REPS1: variants seen among roughly 807,000 people sequenced by gnomAD.
REPS1 encodes ralBP1-associated Eps domain-containing protein 1.
REPS1 carries 39 observed loss-of-function variants against 100.9 expected under a neutral mutation model. The observed-to-expected ratio is 0.39, with a 90% CI of 0.30 to 0.50. The LOEUF is 0.50. Ranked by LOEUF, REPS1 falls within the 20% of genes least tolerant of loss-of-function variation. The probability of loss-of-function intolerance (pLI) is 0.86; values close to 1 mark genes in which losing one functional copy is unlikely to be tolerated. For missense variants in REPS1, 821 were observed against 968.5 expected (o/e 0.85, Z 2.02); for synonymous variants, 324 against 340.3 (o/e 0.95, Z 0.53).
rs1780113328 is a variant in REPS1, at chr6:138,912,999, G to A, written c.1786-49C>T. 4 of 1,459,508 alleles carry A rather than the reference G, an allele frequency of 2.7e-6. No homozygotes were observed. In the East Asian group the frequency reaches 9.2e-5, roughly 34 times the overall value. The allele number at this position is 1,459,508 out of a possible 1,614,324, so 90.4% of individuals were successfully genotyped here. ...GAACACACATTCTATCAGCCTATCA[G>A]TGTCACAGAGTCATCTTCTTCTTCT... On this transcript the variant is annotated intron_variant, in intron 15 of 19. Transcript: ENST00000450536.
intron 1 of REPS1, among the ~76,000 whole-genome samples, chr6:138,952,052 G>A (rs1261484025): frequency 6.6e-6 from 1 of 152,146 alleles, no homozygotes; most frequent in African/African-American, 2.4e-5. Flanking sequence ...GGGCCAGTTA[G>A]TGATTGTTGC....
At chr6:138,981,671 C>A (rs1189413102) in intron 1 of REPS1, among the ~76,000 whole-genome samples, 3 of 152,184 alleles carry the variant, frequency 2.0e-5, no homozygotes, top group Non-Finnish European at 4.4e-5. Context: ...AGATTAGCCG[C>A]TCCTACACAA....
At chr6:138,980,697 GGA>G (rs1491582112) in intron 1 of REPS1, among the ~76,000 whole-genome samples, 13 of 131,512 alleles carry the variant, frequency 9.9e-5, no homozygotes, top group East Asian at 4.8e-4. Flanking sequence ...GGGGGGGGGG[GGA>G]ACGGAGACTT....
intron 13 of REPS1, chr6:138,916,218 CTTTTTT>C (rs10582137): frequency 8.6e-4 from 178 of 207,162 alleles, no homozygotes; most frequent in East Asian, 4.2e-3. Context: ...TTCTTTTTTT[CTTTTTT>C]TTTTTTTTTT....
At chr6:138,914,225 A>C (rs901763846) in intron 15 of REPS1, among the ~76,000 whole-genome samples, 1 of 150,964 alleles carries the variant, frequency 6.6e-6, no homozygotes, top group African/African-American at 2.5e-5. Flanking sequence ...GCACACCACC[A>C]CACCCAGCTA....
At position 138,945,362 on chromosome 6, in the gene REPS1, G is replaced by T; in HGVS notation, c.485C>A (p.Ser162Tyr). The change falls in exon 4 of 20, where the codon TCC (serine) becomes TAC (tyrosine). Residue 162 changes from serine to tyrosine, a missense_variant. Transcript: ENST00000450536. Reference protein sequence around the residue: ...RTSADAQEPASPVVSPQQSPP... With the variant: ...RTSADAQEPAYPVVSPQQSPP... ...GGATTGCTGTGGTGAAACTACTGGG[G>T]ATGCAGGTTCCTAGAAAAGAATATT... 6.2e-7 allele frequency: 1 copy of T among 1,600,990 alleles called. No homozygotes were observed. Among genetic ancestry groups the T allele is most frequent in the South Asian group, 1.1e-5 (1 of 88,342 alleles).
rs188302675 is a variant in REPS1 at position 138,978,701 on chromosome 6, G to T, written c.153+8829C>A. Among the ~76,000 whole-genome samples, 342 of 152,136 alleles carry T rather than the reference G, an allele frequency of 2.2e-3. 2 individuals are homozygous for T. Among genetic ancestry groups the T allele is most frequent in the African/African-American group, 8.0e-3 (332 of 41,478 alleles). ...AGGCCTCTTTGAAGCTAATGTGAAT[G>T]TATTTTTTTCTTACTTTCATATTAA... On this transcript the variant is annotated intron_variant, in intron 1 of 19. Coordinates refer to ENST00000450536, the MANE Select transcript of REPS1 (RefSeq NM_001286611.2).
At chr6:138,959,238 A>G (rs898402514) in intron 1 of REPS1, among the ~76,000 whole-genome samples, 1 of 152,146 alleles carries the variant, frequency 6.6e-6, no homozygotes, top group African/African-American at 2.4e-5. Flanking sequence ...TATGCCCAGA[A>G]TGAGACTGCA....
rs759096877 is a variant in REPS1 at position 138,915,901 on chromosome 6, T to C, written c.1677A>G (p.Arg559=). 15 of 1,613,924 alleles carry C rather than the reference T, an allele frequency of 9.3e-6. No homozygotes were observed. The highest frequency in any genetic ancestry group is 1.2e-5 in the Non-Finnish European group (14 of 1,179,934). The part of the protein sequence containing the change: ...PPPRPQPSHS[R]SSSLDMNRTF... ...TCCGATTCATATCTAAAGATGATGA[T>C]CTAGAATGAGAGGGCTGTGGCCTTG... The change falls in exon 14 of 20, where the codon AGA becomes AGG. Residue 559 remains arginine (R), a synonymous_variant. Coordinates refer to ENST00000450536, the MANE Select transcript of REPS1 (RefSeq NM_001286611.2).
At chr6:138,945,876 C>T (rs1465542509) in intron 2 of REPS1, among the ~76,000 whole-genome samples, 179 bp from the exon 3 acceptor site, 1 of 152,166 alleles carries the variant, frequency 6.6e-6, no homozygotes, top group Non-Finnish European at 1.5e-5. Context: ...TTTAGGGAGA[C>T]TCTTATCTAG....
chr6:138,908,617 C>T (rs375950713), intron 18 of REPS1, 51 bp downstream of exon 18: 209 of 1,596,422 alleles, frequency 1.3e-4, no homozygotes, highest in Non-Finnish European at 1.7e-4. Context: ...TTTTAATTGT[C>T]GTGCTTTTTC....
At chr6:138,980,270 T>C (rs566684515) in intron 1 of REPS1, among the ~76,000 whole-genome samples, 2 of 152,250 alleles carry the variant, frequency 1.3e-5, no homozygotes, top group African/African-American at 4.8e-5. Flanking sequence ...CTAGCGTATC[T>C]GCTTCCACTT....
In REPS1 at chr6:138,947,863, C is replaced by A; in HGVS notation, c.204G>T (p.Gln68His). ...CTACAAGTTTCAAAGCAATGTAGAACTGACTTCTTCCAAAATAACCAAGTC... is the reference window on the plus strand; with the variant it reads ...CTACAAGTTTCAAAGCAATGTAGAAATGACTTCTTCCAAAATAACCAAGTC... ...ATRLGYFGRS[Q>H]FYIALKLVAV... Residue 68 changes from glutamine (Q) to histidine (H), a missense_variant, in exon 2 of 20, where the codon CAG becomes CAT. By Grantham distance (24) the Gln-to-His change is conservative (BLOSUM62 0). Around this residue, in one of 3 missense-constraint regions of REPS1, gnomAD observed 28 missense variants for 65.3 expected, o/e 0.43. Coordinates refer to ENST00000450536, the MANE Select transcript of REPS1 (RefSeq NM_001286611.2). 6.2e-7 allele frequency: 1 copy of A among 1,610,054 alleles called. No homozygotes were observed. Among genetic ancestry groups the A allele is most frequent in the Non-Finnish European group, 8.5e-7 (1 of 1,178,340 alleles).
intron 17 of REPS1, among the ~76,000 whole-genome samples, chr6:138,910,677 C>T (rs1345782379): frequency 6.6e-6 from 1 of 152,130 alleles, no homozygotes; most frequent in Non-Finnish European, 1.5e-5. Context: ...TTACAGATTA[C>T]CCAGTCTCAC....
In REPS1 at chr6:138,923,258, T is replaced by G. The variant is rs569489001; in HGVS notation, c.1339-2134A>C. On this transcript the variant is annotated intron_variant, in intron 10 of 19. Transcript: ENST00000450536. ...CTCTACTATTTTCTTAATTTACATT[T>G]AATACCAGAAATAACTGTTAAGAAA... Among the ~76,000 whole-genome samples, 3 of 152,288 alleles carry G rather than the reference T, an allele frequency of 2.0e-5. No individual in the cohort carries two copies. In the South Asian group the frequency reaches 6.2e-4, roughly 32 times the overall value.
At chr6:138,913,318 A>G (rs1780137246) in intron 15 of REPS1, among the ~76,000 whole-genome samples, 1 of 151,120 alleles carries the variant, frequency 6.6e-6, no homozygotes. Context: ...TAAATAAGTT[A>G]TTTTTTTTTA....
chr6:138,987,820 G>A lies in REPS1; in HGVS notation c.-138C>T. ...AAACGCCGGCCCCGGCCTCACACGC[G>A]CCAGGTGCGCCCGAGCAACAGGGCC... On this transcript the variant is annotated 5_prime_UTR_variant, in exon 1 of 20. Transcript: ENST00000450536. 2 of 1,075,652 alleles carry A rather than the reference G, an allele frequency of 1.9e-6. No individual in the cohort carries two copies. The highest frequency in any genetic ancestry group is 2.4e-6 in the Non-Finnish European group (2 of 824,442). 66.6% of individuals were successfully genotyped at this position (1,075,652 alleles called of 1,614,324 possible).
intron 17 of REPS1, among the ~76,000 whole-genome samples, chr6:138,909,846 T>C (rs2128425940): frequency 6.6e-6 from 1 of 152,278 alleles, no homozygotes; most frequent in East Asian, 1.9e-4. Flanking sequence ...TTTATAGCAG[T>C]GTGAAAACAG....
intron 1 of REPS1, among the ~76,000 whole-genome samples, chr6:138,969,376 C>T (rs1212057940): frequency 2.0e-5 from 3 of 147,096 alleles, no homozygotes; most frequent in Middle Eastern, 3.6e-3. Flanking sequence ...ACTGCATCCT[C>T]AACCTCCTTA....
Sources: gnomAD v4.1 joint callset for allele counts (sites outside exome capture counted in the v4.1 genomes callset) on GRCh38, gnomAD v4.1.1 for gene constraint, gnomAD v4.1.1 regional missense constraint, MANE v1.5 for transcripts, NCBI Gene and HGNC (gene_info 2026-07-23, HGNC 2026-07-21) for gene names.